The following SCAMP5 variants were observed in gnomAD, a reference collection of about 807,000 sequenced individuals.
SCAMP5 encodes secretory carrier membrane protein 5, also known as secretory carrier-associated membrane protein 5.
Under a neutral mutation model 28.3 loss-of-function variants are expected in SCAMP5, and 7 were observed. The ratio of observed to expected loss-of-function variants is 0.25; its 90% CI spans 0.14 to 0.46. SCAMP5 has a LOEUF of 0.46. Ranked by LOEUF, SCAMP5 falls within the 20% of genes least tolerant of loss-of-function variation. The pLI is 0.99. For synonymous variants in SCAMP5, 117 were observed against 116.4 expected (o/e 1.00, Z -0.03); for missense variants, 192 against 312.5 (o/e 0.61, Z 2.91).
rs780916798 is a variant in SCAMP5 at position 75,018,373 on chromosome 15, C to T, written c.396-45C>T. On this transcript the variant is annotated intron_variant, in intron 5 of 6. Transcript: ENST00000425597. This position sits in a 1 kb window ranked among gnomAD's most constrained non-coding sequence, Gnocchi z 5.6. ...CTTCCTCTAGCGGGGGGCTCCTGGG[C>T]ACCTCTTATCCTGCCCGCAGCCCCA... 9 of 1,229,564 alleles carry T rather than the reference C, an allele frequency of 7.3e-6. No individual in the cohort carries two copies. Among genetic ancestry groups the T allele is most frequent in the East Asian group, 2.3e-5 (1 of 43,192 alleles). 76.2% of individuals were successfully genotyped at this position (1,229,564 alleles called of 1,614,324 possible). A position where few individuals can be genotyped will look rare whatever the true frequency, so the allele number is the denominator to read the frequency against.
intron 3 of SCAMP5, among the ~76,000 whole-genome samples, chr15:75,016,211 T>C (rs185553316): frequency 1.3e-5 from 2 of 152,266 alleles, no homozygotes; most frequent in Admixed American, 1.3e-4. Context: ...TTTGGGGCCC[T>C]TCAAAGGGGC....
chr15:75,006,529 T>G lies in SCAMP5; in HGVS notation c.-48-5263T>G, dbSNP rs542702752. Among the ~76,000 whole-genome samples, 8 of 152,122 alleles carry G rather than the reference T, an allele frequency of 5.3e-5. 1 individual carries two copies. The South Asian group carries it at 1.7e-3, about 32-fold the overall frequency. On this transcript the variant is annotated intron_variant, in intron 1 of 6. Coordinates refer to ENST00000425597, the MANE Select transcript of SCAMP5 (RefSeq NM_138967.4). ...TTGGCCGGGCACTGTGGCTCATGCC[T>G]GTAATCCCAGCACTTTGGGAGGCCA...
chr15:74,998,248 C>A (rs2065670529), intron 1 of SCAMP5, among the ~76,000 whole-genome samples: 2 of 152,150 alleles, frequency 1.3e-5, no homozygotes, highest in South Asian at 4.1e-4. Flanking sequence ...GATATGTAGC[C>A]CTTATCCCCA....
chr15:75,012,386 A>G (rs2065819462), intron 2 of SCAMP5, among the ~76,000 whole-genome samples: 3 of 152,226 alleles, frequency 2.0e-5, no homozygotes, highest in Admixed American at 6.5e-5. Flanking sequence ...GCCCCCACTG[A>G]GAGGGTGGTA....
chr15:75,016,964 C>T lies in SCAMP5; in HGVS notation c.293+215C>T, dbSNP rs1012330069. Among the ~76,000 whole-genome samples the T allele has an allele frequency of 2.6e-5, 4 of 152,118 alleles. No homozygotes were observed. In the South Asian group the frequency reaches 8.3e-4, roughly 32 times the overall value. The stretch of plus-strand genomic sequence containing the variant: ...GCTGAGAGTTAGTTTCTTTCCTCCT[C>T]ACTCTACCCTTGGGTGGGGGAAATA... On this transcript the variant is annotated intron_variant, in intron 4 of 6. Transcript: ENST00000425597.
At chr15:75,004,447 C>T (rs918630927) in intron 1 of SCAMP5, among the ~76,000 whole-genome samples, 1 of 152,160 alleles carries the variant, frequency 6.6e-6, no homozygotes, top group African/African-American at 2.4e-5. Flanking sequence ...AGGTGTTCTA[C>T]AGGCCGGCAT....
chr15:75,013,088 C>G, intron 3 of SCAMP5: 1 of 458,486 alleles, frequency 2.2e-6, no homozygotes, highest in East Asian at 4.1e-5. Context: ...AGGGGTCCCT[C>G]TCTGCAGTGT....
In SCAMP5 at chr15:75,012,751, G is replaced by A; in HGVS notation, c.82G>A (p.Asp28Asn). Residue 28 changes from aspartate (D) to asparagine (N), a missense_variant, in exon 3 of 7, where the codon GAT (aspartate) becomes AAT (asparagine). Transcript: ENST00000425597. Reference sequence around the variant, plus strand: ...ATGTTTCTACCAAGACTTCGAGGCAGATATTCCTCCCCAGCATGTCAGCAT... The same window carrying A: ...ATGTTTCTACCAAGACTTCGAGGCAAATATTCCTCCCCAGCATGTCAGCAT... ...KPCFYQDFEADIPPQHVSMTK... is the reference protein window; with the variant it reads ...KPCFYQDFEANIPPQHVSMTK... The A allele has an allele frequency of 6.2e-7, 1 of 1,613,992 alleles. No individual in the cohort carries two copies. Among genetic ancestry groups the A allele is most frequent in the Non-Finnish European group, 8.5e-7 (1 of 1,179,854 alleles).
Position 75,017,965 on chromosome 15 carries a change from G to A in SCAMP5, c.389G>A (p.Gly130Asp), listed in dbSNP as rs1595889964. ...CAGGCCGTGGGCATCCCAGGCTGGG[G>A]CGTCTGGTAAGAGGCAGGGGTGTGG... ...IIQAVGIPGW[G>D]VCGWIATISF... Residue 130 changes from glycine to aspartate, a missense_variant, in exon 5 of 7, where the codon GGC (glycine) becomes GAC (aspartate). Gly to Asp is a moderately conservative substitution (Grantham distance 94, BLOSUM62 -1). Coordinates refer to ENST00000425597, the MANE Select transcript of SCAMP5 (RefSeq NM_138967.4). 6.2e-7 allele frequency: 1 copy of A among 1,609,852 alleles called. No homozygotes were observed. The highest frequency in any genetic ancestry group is 8.5e-7 in the Non-Finnish European group (1 of 1,176,386).
chr15:74,998,291 ATTC>A (rs1473338468), intron 1 of SCAMP5, among the ~76,000 whole-genome samples: 2 of 152,196 alleles, frequency 1.3e-5, no homozygotes, highest in Non-Finnish European at 2.9e-5. Context: ...CAGATTGCTA[ATTC>A]TTCTGTTTTG....
intron 4 of SCAMP5, chr15:75,017,527 C>G: frequency 2.0e-6 from 1 of 501,366 alleles, no homozygotes; most frequent in East Asian, 3.2e-5. Flanking sequence ...ACCAGTGGAG[C>G]TAGCTGTCTT....
intron 1 of SCAMP5, among the ~76,000 whole-genome samples, chr15:75,004,886 C>T (rs1211101952): frequency 6.6e-6 from 1 of 151,706 alleles, no homozygotes. Flanking sequence ...ATTTTAAAAT[C>T]CAGGACCTGG....
Position 75,013,148 on chromosome 15 carries a change from A to C in SCAMP5, c.136+343A>C, listed in dbSNP as rs538777067. ...TTCCCTTCCACTGGAGTAACTTTCC[A>C]GGGAACCTCTGGGGACTGTCAGGAC... is the stretch of plus-strand genomic sequence containing the variant. On this transcript the variant is annotated intron_variant, in intron 3 of 6. Transcript: ENST00000425597. The C allele has an allele frequency of 4.2e-5, 10 of 236,290 alleles. No individual in the cohort carries two copies. The South Asian group carries it at 6.9e-4, about 16-fold the overall frequency. 14.6% of individuals were successfully genotyped at this position (236,290 alleles called of 1,614,324 possible).
At chr15:75,006,102 A>G (rs1595883437) in intron 1 of SCAMP5, among the ~76,000 whole-genome samples, 2 of 145,898 alleles carry the variant, frequency 1.4e-5, no homozygotes, top group African/African-American at 5.1e-5. Context: ...GGTTCAAGCT[A>G]TTCTCCTGCC....
intron 1 of SCAMP5, among the ~76,000 whole-genome samples, chr15:75,004,743 A>T (rs2065740280): frequency 6.6e-6 from 1 of 151,934 alleles, no homozygotes. Flanking sequence ...AAAAAAAAAA[A>T]AAGAAAGAGA....
At position 75,011,775 on chromosome 15, in the gene SCAMP5, C is replaced by T; in HGVS notation, c.-48-17C>T. On this transcript the variant is annotated splice_polypyrimidine_tract_variant and intron_variant, in intron 1 of 6. Transcript: ENST00000425597. ...TGGCCCTGATCTCATCCTTCTCTGG[C>T]TTTTCTTTCCTTGCAGTTCAGGACA... is the stretch of plus-strand genomic sequence containing the variant. 3.3e-6 allele frequency: 5 copies of T among 1,505,238 alleles called. No homozygotes were observed. The highest frequency in any genetic ancestry group is 4.6e-6 in the Non-Finnish European group (5 of 1,083,988). 93.2% of individuals were successfully genotyped at this position (1,505,238 alleles called of 1,614,324 possible).
At chr15:75,008,114 T>G (rs2065777978) in intron 1 of SCAMP5, among the ~76,000 whole-genome samples, 1 of 152,170 alleles carries the variant, frequency 6.6e-6, no homozygotes, top group South Asian at 2.1e-4. Flanking sequence ...TCTGTGAGAT[T>G]GTTATCAATT....
rs187026987 is a variant in SCAMP5 at position 75,002,725 on chromosome 15, T to C, written c.-49+7052T>C. The stretch of plus-strand genomic sequence containing the variant: ...GCTCCTTCTCATTCTTCCCCAACTA[T>C]CCTATTCTGCTTGCCTTTTTTTTTT... On this transcript the variant is annotated intron_variant, in intron 1 of 6. Coordinates refer to ENST00000425597, the MANE Select transcript of SCAMP5 (RefSeq NM_138967.4). Among the ~76,000 whole-genome samples, 368 of 151,388 alleles carry C rather than the reference T, an allele frequency of 2.4e-3. 3 individuals carry two copies. The highest frequency in any genetic ancestry group is 0.02 in the Middle Eastern group (6 of 294).
rs2065891565 is a variant in SCAMP5 at position 75,019,868 on chromosome 15, G to A, written c.*885G>A. Reference sequence around the variant, plus strand: ...AGGATGAGTCTGCTTGGGCCTGAGAGTTTGATCTGCAGGGGCAGGCTCATC... The same window carrying A: ...AGGATGAGTCTGCTTGGGCCTGAGAATTTGATCTGCAGGGGCAGGCTCATC... On this transcript the variant is annotated 3_prime_UTR_variant, in exon 7 of 7. Transcript: ENST00000425597. The A allele has an allele frequency of 6.6e-6, 1 of 152,508 alleles. No homozygotes were observed. Among genetic ancestry groups the A allele is most frequent in the Admixed American group, 6.5e-5 (1 of 15,282 alleles). 9.4% of individuals were successfully genotyped at this position (152,508 alleles called of 1,614,324 possible). A position where few individuals can be genotyped will look rare whatever the true frequency, so the allele number is the denominator to read the frequency against.
Sources: allele counts gnomAD v4.1 joint callset (sites outside exome capture counted in the v4.1 genomes callset), GRCh38; gene constraint gnomAD v4.1.1; non-coding constraint Gnocchi (gnomAD v3.1); transcripts MANE v1.5; gene names NCBI Gene and HGNC (gene_info 2026-07-23, HGNC 2026-07-21).